LRRC3B: variants seen among roughly 807,000 people sequenced by gnomAD.
LRRC3B encodes leucine rich repeat containing 3B, also known as leucine-rich repeat-containing protein 3B.
A neutral mutation model predicts 12.8 loss-of-function variants in LRRC3B; 2 were observed. The ratio of observed to expected loss-of-function variants is 0.16; its 90% CI spans 0.06 to 0.49. LRRC3B has a LOEUF of 0.49. Ranked by LOEUF, LRRC3B falls within the 20% of genes least tolerant of loss-of-function variation. The pLI, the probability that LRRC3B is intolerant of heterozygous loss-of-function variation, is 0.96. For synonymous variants in LRRC3B, 132 were observed against 122.0 expected, an observed-to-expected ratio of 1.08 and a Z score of -0.54; for missense variants, 189 against 319.4, an observed-to-expected ratio of 0.59 and a Z score of 3.11.
chr3:26,645,620 G>T (rs2125411075), intron 1 of LRRC3B, among the ~76,000 whole-genome samples: 1 of 151,950 alleles, frequency 6.6e-6, no homozygotes, highest in South Asian at 2.1e-4. Flanking sequence ...TGCCTACTAT[G>T]CTTCCGGCAT....
intron 1 of LRRC3B, chr3:26,625,062 T>C (rs1427798316): frequency 6.6e-6 from 1 of 152,396 alleles, no homozygotes; most frequent in Admixed American, 6.5e-5. Context: ...TGGTTCCTAG[T>C]AGCCCTATAG....
chr3:26,685,188 G>C (rs1465049053), intron 1 of LRRC3B, among the ~76,000 whole-genome samples: 1 of 152,006 alleles, frequency 6.6e-6, no homozygotes, highest in Non-Finnish European at 1.5e-5. Context: ...CCCGACCTCA[G>C]GTGATCCACC....
intron 1 of LRRC3B, among the ~76,000 whole-genome samples, chr3:26,648,170 T>A (rs1559354408): frequency 6.6e-6 from 1 of 152,148 alleles, no homozygotes; most frequent in East Asian, 1.9e-4. Context: ...CAAGATGTAG[T>A]ATGTTGGCTT....
intron 1 of LRRC3B, among the ~76,000 whole-genome samples, chr3:26,644,807 T>C (rs1437314513): frequency 6.6e-6 from 1 of 152,186 alleles, no homozygotes; most frequent in Non-Finnish European, 1.5e-5. Context: ...GAGATTCATA[T>C]TGAACTATTT....
intron 1 of LRRC3B, among the ~76,000 whole-genome samples, chr3:26,676,789 G>A (rs1225574100): frequency 2.6e-5 from 4 of 152,306 alleles, no homozygotes; most frequent in Admixed American, 2.0e-4. Flanking sequence ...ACATGCACAC[G>A]TATGTTTCTT....
chr3:26,689,788 T>C (rs1700153624), intron 1 of LRRC3B, among the ~76,000 whole-genome samples: 1 of 152,220 alleles, frequency 6.6e-6, no homozygotes, highest in Non-Finnish European at 1.5e-5. Flanking sequence ...ACTATATTAT[T>C]TGCTCCAAGG....
At chr3:26,706,182 C>T (rs1351989623) in intron 1 of LRRC3B, among the ~76,000 whole-genome samples, 3 of 152,034 alleles carry the variant, frequency 2.0e-5, no homozygotes, top group Non-Finnish European at 2.9e-5. Context: ...TATAAGGGCA[C>T]GAACTCCATT....
chr3:26,657,997 TACTG>T (rs1202041105), intron 1 of LRRC3B, among the ~76,000 whole-genome samples: 1 of 152,226 alleles, frequency 6.6e-6, no homozygotes, highest in East Asian at 1.9e-4. Flanking sequence ...TATATCATAG[TACTG>T]ACTATCAAAT....
chr3:26,649,271 G>T (rs1249263666), intron 1 of LRRC3B, among the ~76,000 whole-genome samples: 1 of 152,198 alleles, frequency 6.6e-6, no homozygotes, highest in Non-Finnish European at 1.5e-5. Flanking sequence ...TCGTTTGTTT[G>T]CTTGTTTTCG....
chr3:26,672,876 CAAT>C (rs1699777468), intron 1 of LRRC3B, among the ~76,000 whole-genome samples: 1 of 152,084 alleles, frequency 6.6e-6, no homozygotes, highest in African/African-American at 2.4e-5. Context: ...CTTTTTTGAG[CAAT>C]AATATTTTTA....
At chr3:26,691,211 A>G (rs1700188152) in intron 1 of LRRC3B, among the ~76,000 whole-genome samples, 1 of 150,156 alleles carries the variant, frequency 6.7e-6, no homozygotes, top group African/African-American at 2.4e-5. Context: ...ATGAAATTTG[A>G]AAATTTACAT....
intron 1 of LRRC3B, among the ~76,000 whole-genome samples, chr3:26,674,258 G>A (rs1699812199): frequency 6.6e-6 from 1 of 152,082 alleles, no homozygotes; most frequent in Non-Finnish European, 1.5e-5. Flanking sequence ...CAATTCAACA[G>A]GTTAATTATG....
rs559498407 is a variant in LRRC3B, at chr3:26,679,766, G to A, written c.-160-29747G>A. ...GGAGCTTTATGAGGGCAGAAACCTTGTCTGTTGTGTTCTCTGCTGTAGGCT... is the reference window on the plus strand; with the variant it reads ...GGAGCTTTATGAGGGCAGAAACCTTATCTGTTGTGTTCTCTGCTGTAGGCT... On this transcript the variant is annotated intron_variant, in intron 1 of 1. Coordinates refer to ENST00000396641, the Ensembl canonical transcript of LRRC3B. Among the ~76,000 whole-genome samples, 163 of 152,282 alleles carry A rather than the reference G, an allele frequency of 1.1e-3. 6 individuals are homozygous for A. In the South Asian group the frequency reaches 0.03, roughly 28 times the overall value.
At chr3:26,697,589 T>G (rs1019107488) in intron 1 of LRRC3B, among the ~76,000 whole-genome samples, 29 of 152,160 alleles carry the variant, frequency 1.9e-4, no homozygotes, top group South Asian at 2.1e-4. Flanking sequence ...AGACCATTTT[T>G]GGCTTATCAT....
intron 1 of LRRC3B, among the ~76,000 whole-genome samples, chr3:26,671,413 G>GAGAGAGAGGGAGAGAGAC (rs9331540): frequency 1.0e-5 from 1 of 99,388 alleles, no homozygotes; most frequent in African/African-American, 4.3e-5. Context: ...GAGAGAGAGA[G>GAGAGAGAGGGAGAGAGAC]ACGAAGTCTT....
intron 1 of LRRC3B, among the ~76,000 whole-genome samples, chr3:26,702,180 A>G (rs1316907921): frequency 3.3e-5 from 5 of 152,344 alleles, no homozygotes; most frequent in South Asian, 2.1e-4. Context: ...TGTATTTAAT[A>G]TGAAGTAGAA....
chr3:26,700,432 G>A (rs1446496474), intron 1 of LRRC3B, among the ~76,000 whole-genome samples: 1 of 152,142 alleles, frequency 6.6e-6, no homozygotes, highest in African/African-American at 2.4e-5. Flanking sequence ...GTCCTTTCCT[G>A]CTGCTAACCA....
chr3:26,657,227 T>G (rs1699390326), intron 1 of LRRC3B, among the ~76,000 whole-genome samples: 1 of 152,150 alleles, frequency 6.6e-6, no homozygotes, highest in South Asian at 2.1e-4. Context: ...ATAGTAAATT[T>G]TATCAAAGAA....
chr3:26,679,056 G>T (rs1035611318), intron 1 of LRRC3B, among the ~76,000 whole-genome samples: 3 of 152,166 alleles, frequency 2.0e-5, no homozygotes, highest in Non-Finnish European at 2.9e-5. Context: ...GCATAGGATT[G>T]TTATGCATAG....
Sources: gnomAD v4.1 joint callset for allele counts (sites outside exome capture counted in the v4.1 genomes callset) on GRCh38, gnomAD v4.1.1 for gene constraint, MANE v1.5 for transcripts, NCBI Gene and HGNC (gene_info 2026-07-23, HGNC 2026-07-21) for gene names.